The following DOCK9 variants were observed in gnomAD, a reference collection of about 807,000 sequenced individuals.
The protein encoded by DOCK9 is dedicator of cytokinesis protein 9.
In DOCK9, 89 loss-of-function variants were observed where a neutral mutation model predicts 263.3. The ratio of observed to expected loss-of-function variants is 0.34; its 90% CI spans 0.28 to 0.40. The LOEUF is 0.40. Among genes scored for constraint, DOCK9 ranks in the 10% least tolerant of loss-of-function variants. The pLI, the probability that DOCK9 is intolerant of heterozygous loss-of-function variation, is 1.00. For synonymous variants in DOCK9, 976 were observed against 973.1 expected, an observed-to-expected ratio of 1.00 and a Z score of -0.06; for missense variants, 2,140 against 2,603.4, an observed-to-expected ratio of 0.82 and a Z score of 3.87.
chr13:98,836,935 G>A (rs1007658423), intron 39 of DOCK9, among the ~76,000 whole-genome samples: 7 of 151,780 alleles, frequency 4.6e-5, no homozygotes, highest in Non-Finnish European at 1.0e-4. Context: ...AGAAGTATTG[G>A]GTTCCTAAAA....
At position 98,996,411 on chromosome 13, in the gene DOCK9, C is replaced by T. The variant is rs372172606; in HGVS notation, c.130-40860G>A. Among the ~76,000 whole-genome samples the T allele has an allele frequency of 1.6e-3, 245 of 152,302 alleles. 9 individuals are homozygous for T. In the South Asian group the frequency reaches 0.048, roughly 30 times the overall value. On this transcript the variant is annotated intron_variant, in intron 1 of 32. Transcript: ENST00000427887. ...ACTTATGTTATACCTTGTAAGCCAT[C>T]TAGAGCTAAGATCAATACTAATATT...
chr13:98,998,147 C>G (rs754432012), intron 1 of DOCK9, among the ~76,000 whole-genome samples: 3 of 152,030 alleles, frequency 2.0e-5, no homozygotes, highest in Non-Finnish European at 2.9e-5. Flanking sequence ...GAGGTGGGGC[C>G]GGGATAGACA....
At chr13:98,863,931 G>A (rs891045003) in intron 30 of DOCK9, among the ~76,000 whole-genome samples, 2 of 152,154 alleles carry the variant, frequency 1.3e-5, no homozygotes, top group African/African-American at 4.8e-5. Flanking sequence ...CTAGCTAACA[G>A]AACTGTATAA....
Position 98,978,017 on chromosome 13 carries a change from C to T in DOCK9, c.-108G>A. On this transcript the variant is annotated 5_prime_UTR_variant, in exon 1 of 53. Coordinates refer to ENST00000682017, the MANE Select transcript of DOCK9 (RefSeq NM_001366683.2). The stretch of plus-strand genomic sequence containing the variant: ...GGTCCAAGGAAGGAAAGGAAACTGG[C>T]TTCCCAGGCACAAGTGGTCAGCCCC... 4.8e-6 allele frequency: 7 copies of T among 1,453,672 alleles called. No homozygotes were observed. The highest frequency in any genetic ancestry group is 6.3e-6 in the Non-Finnish European group (7 of 1,105,890). The allele number at this position is 1,453,672 out of a possible 1,614,324, so 90.0% of individuals were successfully genotyped here.
At chr13:99,066,313 T>C (rs866842839) in intron 1 of DOCK9, among the ~76,000 whole-genome samples, 2 of 151,960 alleles carry the variant, frequency 1.3e-5, no homozygotes, top group Non-Finnish European at 2.9e-5. Context: ...CAAGGAATGG[T>C]GCCATGCAAA....
At chr13:98,921,905 G>T in intron 6 of DOCK9, 146 bp downstream of exon 6, 1 of 675,244 alleles carries the variant, frequency 1.5e-6, no homozygotes, top group Non-Finnish European at 2.5e-6. Flanking sequence ...CAATGGGGGT[G>T]CTATCACCAG....
At chr13:98,921,207 G>C in intron 6 of DOCK9, 119 bp from the exon 7 acceptor site, 1 of 1,011,798 alleles carries the variant, frequency 9.9e-7, no homozygotes, top group Non-Finnish European at 1.4e-6. Flanking sequence ...CACTCTAGCT[G>C]ATGCTCCAGG....
intron 15 of DOCK9, 101 bp downstream of exon 15, chr13:98,897,387 G>C: frequency 6.9e-7 from 1 of 1,445,548 alleles, no homozygotes; most frequent in Non-Finnish European, 9.4e-7. Context: ...CATCCCCTCT[G>C]ATGTCTAAAT....
chr13:98,877,700 C>G (rs959147167), intron 27 of DOCK9, among the ~76,000 whole-genome samples: 3 of 152,158 alleles, frequency 2.0e-5, no homozygotes, highest in African/African-American at 7.2e-5. Context: ...TCAGAGCACT[C>G]GTCATGAGGT....
intron 50 of DOCK9, 22 bp from the exon 51 acceptor site, chr13:98,797,511 TCAGTTC>T: frequency 6.3e-7 from 1 of 1,582,928 alleles, no homozygotes; most frequent in East Asian, 2.3e-5. Context: ...GCAAAGATTT[TCAGTTC>T]CACTAGGAAG....
At chr13:98,943,823 G>A (rs938387437) in intron 2 of DOCK9, among the ~76,000 whole-genome samples, 12 of 150,276 alleles carry the variant, frequency 8.0e-5, no homozygotes, top group African/African-American at 3.0e-4. Context: ...CAGTTTCATA[G>A]TTACAAATAA....
intron 18 of DOCK9, 77 bp from the exon 19 acceptor site, chr13:98,886,701 G>A (rs2045746983): frequency 2.2e-6 from 3 of 1,353,852 alleles, no homozygotes; most frequent in East Asian, 4.7e-5. Context: ...TCGTAAAGGA[G>A]GAGGCATTCC....
At chr13:99,006,134 A>G (rs1883295389) in intron 1 of DOCK9, among the ~76,000 whole-genome samples, 1 of 152,228 alleles carries the variant, frequency 6.6e-6, no homozygotes, top group South Asian at 2.1e-4. Flanking sequence ...GCAAATGACA[A>G]AACAGAGAAA....
intron 1 of DOCK9, among the ~76,000 whole-genome samples, chr13:98,997,357 C>G (rs1463129723): frequency 6.6e-6 from 1 of 152,192 alleles, no homozygotes; most frequent in Non-Finnish European, 1.5e-5. Context: ...AAAGAACTTA[C>G]CAATTCAGCT....
At chr13:98,993,616 G>A (rs1385459573) in intron 1 of DOCK9, among the ~76,000 whole-genome samples, 1 of 152,182 alleles carries the variant, frequency 6.6e-6, no homozygotes, top group African/African-American at 2.4e-5. Flanking sequence ...CTAGGTGGTG[G>A]CGGGCACCTG....
rs190262140 is a variant in DOCK9, at chr13:99,035,403, G to C, written c.129+50820C>G. 1.1e-3 allele frequency among the ~76,000 whole-genome samples: 162 copies of C among 152,322 alleles called. 4 individuals are homozygous for C. In the East Asian group the frequency reaches 0.03, roughly 28 times the overall value. On this transcript the variant is annotated intron_variant, in intron 1 of 32. Coordinates refer to the DOCK9 transcript ENST00000427887. ...ACCCAGCCAAAAACTACATTTCTCA[G>C]TCTCTCTTGCACTGAAGTGTGTCTA...
intron 1 of DOCK9, among the ~76,000 whole-genome samples, chr13:99,033,158 T>G (rs1303648598): frequency 6.6e-6 from 1 of 152,206 alleles, no homozygotes; most frequent in Non-Finnish European, 1.5e-5. Flanking sequence ...AACTAAAAAC[T>G]AAAAAGCATT....
At chr13:98,827,657 G>A (rs2092597543) in intron 43 of DOCK9, among the ~76,000 whole-genome samples, 1 of 152,226 alleles carries the variant, frequency 6.6e-6, no homozygotes, top group African/African-American at 2.4e-5. Context: ...ACTCTGATGT[G>A]TGCAGAGAGA....
At chr13:98,883,640 T>G (rs2045201797) in intron 22 of DOCK9, among the ~76,000 whole-genome samples, 173 bp downstream of exon 22, 1 of 152,262 alleles carries the variant, frequency 6.6e-6, no homozygotes, top group Non-Finnish European at 1.5e-5. Flanking sequence ...ATGCTTGTAC[T>G]AGTCATTTAT....
Sources: allele counts gnomAD v4.1 joint callset (sites outside exome capture counted in the v4.1 genomes callset), GRCh38; gene constraint gnomAD v4.1.1; transcripts MANE v1.5; gene names NCBI Gene and HGNC (gene_info 2026-07-23, HGNC 2026-07-21).